QTGAL: variants seen among roughly 807,000 people sequenced by gnomAD.
QTGAL encodes the protein BGnT-like protein 1.
chr17:82,957,226 G>C, the QTGAL span: 1 of 1,614,140 alleles, frequency 6.2e-7, no homozygotes, highest in Non-Finnish European at 8.5e-7. Context: ...TCTTGTTCTC[G>C]TCCACGTCAC....
chr17:83,046,941 G>A, the QTGAL span, among the ~76,000 whole-genome samples: 1 of 152,190 alleles, frequency 6.6e-6, no homozygotes, highest in Non-Finnish European at 1.5e-5. Flanking sequence ...ACGTTAAAAC[G>A]TTATGCTAAA....
At chr17:83,038,584 C>A in the QTGAL span, among the ~76,000 whole-genome samples, 1 of 152,170 alleles carries the variant, frequency 6.6e-6, no homozygotes, top group South Asian at 2.1e-4. Context: ...TTAGGCCGGG[C>A]GCAGTGTTTC....
chr17:83,008,374 T>G, the QTGAL span, among the ~76,000 whole-genome samples: 2 of 152,180 alleles, frequency 1.3e-5, no homozygotes, highest in Non-Finnish European at 2.9e-5. Flanking sequence ...CAAGCAATCT[T>G]GGAACTCTTT....
the QTGAL span, chr17:82,942,633 G>A: frequency 6.6e-6 from 5 of 756,940 alleles, no homozygotes; most frequent in Non-Finnish European, 6.6e-6. Context: ...CCTGCGCTCT[G>A]GTGACTTGGG....
At chr17:82,986,176 C>T in the QTGAL span, among the ~76,000 whole-genome samples, 4 of 152,322 alleles carry the variant, frequency 2.6e-5, no homozygotes, top group East Asian at 1.9e-4. Flanking sequence ...ACTTTGTGCC[C>T]GTGAACTCGG....
the QTGAL span, among the ~76,000 whole-genome samples, chr17:83,010,031 G>A: frequency 7.9e-6 from 1 of 126,114 alleles, no homozygotes; most frequent in Admixed American, 7.6e-5. Flanking sequence ...CTGGTGTGGG[G>A]GGGCTGCCCG....
At chr17:82,989,606 C>A in the QTGAL span, among the ~76,000 whole-genome samples, 1 of 151,556 alleles carries the variant, frequency 6.6e-6, no homozygotes, top group Non-Finnish European at 1.5e-5. Context: ...AAAAGGACAT[C>A]TTTTCATTTA....
chr17:83,007,554 C>T, the QTGAL span, among the ~76,000 whole-genome samples: 6 of 152,110 alleles, frequency 3.9e-5, no homozygotes, highest in African/African-American at 9.7e-5. Context: ...CCAGCACTGC[C>T]GGGTCCTGGG....
chr17:83,037,118 A>G, the QTGAL span, among the ~76,000 whole-genome samples: 3 of 152,142 alleles, frequency 2.0e-5, no homozygotes, highest in Non-Finnish European at 4.4e-5. This position sits in a 1 kb window ranked among gnomAD's most constrained non-coding sequence, Gnocchi z 5.2. Flanking sequence ...TAAGCAATAG[A>G]TCTCTCTGGT....
chr17:82,960,200 C>G, the QTGAL span, among the ~76,000 whole-genome samples: 27,364 of 152,144 alleles, frequency 0.18, 2,501 homozygotes, highest in South Asian at 0.22. Context: ...TCCTGCCAAC[C>G]CCCCAGCCCC....
chr17:83,037,400 G>T, the QTGAL span, among the ~76,000 whole-genome samples: 6 of 152,230 alleles, frequency 3.9e-5, no homozygotes, highest in African/African-American at 1.4e-4. This position sits in a 1 kb window ranked among gnomAD's most constrained non-coding sequence, Gnocchi z 5.2. Flanking sequence ...ATACCAGGTA[G>T]CAGTTTAATT....
the QTGAL span, among the ~76,000 whole-genome samples, chr17:82,985,202 T>G: frequency 2.0e-5 from 3 of 152,224 alleles, no homozygotes; most frequent in African/African-American, 7.2e-5. Flanking sequence ...AGCTCTGATT[T>G]AACGTTGTAT....
At chr17:82,983,196 C>T in the QTGAL span, among the ~76,000 whole-genome samples, 1 of 152,154 alleles carries the variant, frequency 6.6e-6, no homozygotes, top group Non-Finnish European at 1.5e-5. Context: ...AGGAGAATTG[C>T]TTGAACCCAG....
the QTGAL span, among the ~76,000 whole-genome samples, chr17:82,974,975 A>AAC: frequency 5.4e-3 from 547 of 101,056 alleles, 7 homozygotes; most frequent in African/African-American, 0.029. Flanking sequence ...CACTATGGAG[A>AAC]GTCAGGGCCC....
At chr17:82,956,737 G>A in the QTGAL span, 6 of 1,590,302 alleles carry the variant, frequency 3.8e-6, no homozygotes, top group African/African-American at 4.0e-5. This position sits in a 1 kb window ranked among gnomAD's most constrained non-coding sequence, Gnocchi z 5.7. Context: ...CGGCTCGGAA[G>A]TGCAGGATGG....
the QTGAL span, among the ~76,000 whole-genome samples, chr17:82,969,860 T>C: frequency 1.1e-4 from 16 of 151,542 alleles, no homozygotes; most frequent in Non-Finnish European, 1.9e-4. Context: ...TTGTATTTTT[T>C]GTTGAGATGG....
At chr17:83,034,771 C>T in the QTGAL span, among the ~76,000 whole-genome samples, 22 of 152,360 alleles carry the variant, frequency 1.4e-4, no homozygotes, top group African/African-American at 5.0e-4. Flanking sequence ...AGCTGCCTCT[C>T]TCATCGGCCG....
the QTGAL span, among the ~76,000 whole-genome samples, chr17:83,026,635 G>A: frequency 6.7e-6 from 1 of 149,546 alleles, no homozygotes; most frequent in Non-Finnish European, 1.5e-5. Flanking sequence ...AGGGCAGGAA[G>A]CCTGCAGACA....
chr17:83,014,241 C>G, the QTGAL span, among the ~76,000 whole-genome samples: 1 of 152,114 alleles, frequency 6.6e-6, no homozygotes, highest in Non-Finnish European at 1.5e-5. Context: ...TTGCACCCTA[C>G]GAAAATAACA....
Sources: allele counts gnomAD v4.1 joint callset (sites outside exome capture counted in the v4.1 genomes callset), GRCh38; gene constraint gnomAD v4.1.1; non-coding constraint Gnocchi (gnomAD v3.1); transcripts MANE v1.5; gene names NCBI Gene and HGNC (gene_info 2026-07-23, HGNC 2026-07-21).